The following FAT3 variants were observed in gnomAD, a reference collection of about 807,000 sequenced individuals.
FAT3 encodes FAT atypical cadherin 3.
Under a neutral mutation model 310.2 loss-of-function variants are expected in FAT3, and 95 were observed. The ratio of observed to expected loss-of-function variants is 0.31; its 90% CI spans 0.26 to 0.36. FAT3 has a LOEUF of 0.36. FAT3 is among the 10% of genes least tolerant of loss of function. The pLI is 1.00. For synonymous variants in FAT3, 2,314 were observed against 2,192.9 expected (o/e 1.06, Z -1.54); for missense variants, 5,408 against 5,715.6 (o/e 0.95, Z 1.74).
At chr11:92,853,958 G>A (rs771272046) in intron 19 of FAT3, among the ~76,000 whole-genome samples, 1 of 152,094 alleles carries the variant, frequency 6.6e-6, no homozygotes, top group Non-Finnish European at 1.5e-5. Context: ...CTGGGGACCT[G>A]CCCTTTTCTG....
intron 2 of FAT3, among the ~76,000 whole-genome samples, chr11:92,444,649 T>C (rs1019399287): frequency 7.8e-6 from 1 of 127,510 alleles, no homozygotes. Context: ...ATGATATTAA[T>C]GGATATTACT....
At chr11:92,546,911 A>T (rs3996490) in intron 3 of FAT3, among the ~76,000 whole-genome samples, 6 of 152,008 alleles carry the variant, frequency 3.9e-5, no homozygotes, top group East Asian at 1.9e-4. Context: ...TATATCTTCA[A>T]TCACCCCAAA....
intron 1 of FAT3, among the ~76,000 whole-genome samples, chr11:92,268,480 T>C (rs1457904371): frequency 6.6e-6 from 1 of 152,092 alleles, no homozygotes; most frequent in African/African-American, 2.4e-5. Context: ...CTTTTTTTTT[T>C]TTAATTTTTA....
intron 3 of FAT3, among the ~76,000 whole-genome samples, chr11:92,606,812 C>G (rs977418870): frequency 1.3e-5 from 2 of 152,188 alleles, no homozygotes; most frequent in African/African-American, 2.4e-5. Context: ...TTCTTAACTA[C>G]TTTGTATAGG....
intron 1 of FAT3, among the ~76,000 whole-genome samples, chr11:92,293,512 TTATATATATATATA>T (rs1195340265): frequency 1.5e-4 from 10 of 67,892 alleles, no homozygotes; most frequent in South Asian, 5.5e-4. Context: ...GAACCTCAGA[TTATATATATATATA>T]TATATATATA....
chr11:92,688,255 G>A (rs1381809475), intron 3 of FAT3, among the ~76,000 whole-genome samples: 1 of 152,036 alleles, frequency 6.6e-6, no homozygotes, highest in Admixed American at 6.6e-5. Context: ...TAACCACATA[G>A]TTTAGTCCTT....
intron 1 of FAT3, among the ~76,000 whole-genome samples, chr11:92,322,932 C>G (rs890237423): frequency 6.6e-6 from 1 of 152,000 alleles, no homozygotes; most frequent in African/African-American, 2.4e-5. Context: ...TGACCTCCCC[C>G]CAAGAATCAC....
chr11:92,655,683 C>G (rs928315683), intron 3 of FAT3, among the ~76,000 whole-genome samples: 1 of 152,154 alleles, frequency 6.6e-6, no homozygotes, highest in African/African-American at 2.4e-5. Context: ...CTTCTGACTC[C>G]AACTTCCCAG....
Position 92,703,536 on chromosome 11 carries a change from A to G in FAT3, c.3669+6091A>G, listed in dbSNP as rs559804381. On this transcript the variant is annotated intron_variant, in intron 4 of 27. Transcript: ENST00000525166. ...CAGCGTCAGAAGGAGAGTTGATGACACCTTCTGTGCTCCAGAGCTCCCAGG... is the reference window on the plus strand; with the variant it reads ...CAGCGTCAGAAGGAGAGTTGATGACGCCTTCTGTGCTCCAGAGCTCCCAGG... Among the ~76,000 whole-genome samples the G allele has an allele frequency of 9.9e-5, 15 of 152,280 alleles. 1 individual carries two copies. The East Asian group carries it at 2.9e-3, about 29-fold the overall frequency.
intron 2 of FAT3, among the ~76,000 whole-genome samples, chr11:92,433,557 C>G (rs1950850282): frequency 6.6e-6 from 1 of 152,158 alleles, no homozygotes; most frequent in South Asian, 2.1e-4. Context: ...CCTCCGTGGG[C>G]TGCACCCACT....
intron 3 of FAT3, among the ~76,000 whole-genome samples, chr11:92,688,330 G>C (rs962021811): frequency 2.6e-5 from 4 of 152,076 alleles, no homozygotes; most frequent in Non-Finnish European, 4.4e-5. Context: ...GGCTGTTCCT[G>C]GTGCCTCTAT....
intron 2 of FAT3, among the ~76,000 whole-genome samples, chr11:92,409,263 T>TC (rs780310319): frequency 1.0e-4 from 11 of 107,678 alleles, no homozygotes; most frequent in African/African-American, 4.5e-4. Context: ...GTGTGTGTCG[T>TC]GTGTGTGTGT....
At chr11:92,414,625 C>T (rs974842306) in intron 2 of FAT3, among the ~76,000 whole-genome samples, 2 of 152,140 alleles carry the variant, frequency 1.3e-5, no homozygotes, top group Admixed American at 1.3e-4. Flanking sequence ...GATTTTCTTT[C>T]TTGGAAACAT....
chr11:92,283,136 A>G (rs1420306985), intron 1 of FAT3, among the ~76,000 whole-genome samples: 1 of 152,088 alleles, frequency 6.6e-6, no homozygotes, highest in Non-Finnish European at 1.5e-5. Context: ...GCCCAGCCCG[A>G]TTGTCTTAAT....
At chr11:92,345,342 T>C (rs1283430487) in intron 1 of FAT3, among the ~76,000 whole-genome samples, 1 of 152,168 alleles carries the variant, frequency 6.6e-6, no homozygotes. Context: ...ATGTATACTT[T>C]AAAGATACAC....
intron 3 of FAT3, among the ~76,000 whole-genome samples, chr11:92,567,802 C>T (rs141976732): frequency 0.011 from 1,633 of 151,096 alleles, 32 homozygotes; most frequent in East Asian, 0.092. Context: ...AACCAAGCAC[C>T]GCATATTCTC....
chr11:92,590,096 G>T (rs1244888623), intron 3 of FAT3, among the ~76,000 whole-genome samples: 1 of 152,066 alleles, frequency 6.6e-6, no homozygotes, highest in Admixed American at 6.6e-5. Flanking sequence ...GAAACTGCTA[G>T]AATTCAAGTT....
chr11:92,537,288 G>A (rs1954292901), intron 3 of FAT3, among the ~76,000 whole-genome samples: 1 of 152,134 alleles, frequency 6.6e-6, no homozygotes, highest in African/African-American at 2.4e-5. Context: ...TGGTGGGAGA[G>A]ATGATAGAAA....
intron 3 of FAT3, among the ~76,000 whole-genome samples, chr11:92,684,796 T>A (rs1450851936): frequency 1.3e-5 from 2 of 152,160 alleles, no homozygotes; most frequent in Non-Finnish European, 2.9e-5. Context: ...ATCTGATTCT[T>A]CCTGACTCTT....
Sources: allele counts gnomAD v4.1 joint callset (sites outside exome capture counted in the v4.1 genomes callset), GRCh38; gene constraint gnomAD v4.1.1; transcripts MANE v1.5; gene names NCBI Gene and HGNC (gene_info 2026-07-23, HGNC 2026-07-21).